TTPAL: variants seen among roughly 807,000 people sequenced by gnomAD.
TTPAL encodes the protein alpha-tocopherol transfer protein-like.
A neutral mutation model predicts 28.7 loss-of-function variants in TTPAL; 21 were observed. The ratio of observed to expected loss-of-function variants is 0.73; its 90% CI spans 0.52 to 1.06. TTPAL has a LOEUF of 1.06. Among genes scored for constraint, TTPAL ranks in the 50% least tolerant of loss-of-function variants. The pLI, the probability that TTPAL is intolerant of heterozygous loss-of-function variation, is 0.00. For synonymous variants in TTPAL, 169 were observed against 171.9 expected (o/e 0.98, Z 0.13); for missense variants, 345 against 425.5 (o/e 0.81, Z 1.67).
chr20:44,476,158 G>A (rs2064040549), intron 1 of TTPAL, among the ~76,000 whole-genome samples, 167 bp downstream of exon 1: 1 of 152,198 alleles, frequency 6.6e-6, no homozygotes, highest in Admixed American at 6.5e-5. Flanking sequence ...GGTTGTCCAC[G>A]GGATATGGGG....
At chr20:44,479,084 C>A (rs925985459) in intron 1 of TTPAL, among the ~76,000 whole-genome samples, 4 of 152,124 alleles carry the variant, frequency 2.6e-5, no homozygotes, top group Non-Finnish European at 5.9e-5. Flanking sequence ...CCACCGCGCC[C>A]GGCCCCCTAA....
chr20:44,488,435 C>T (rs1413748536), intron 4 of TTPAL, among the ~76,000 whole-genome samples: 1 of 152,120 alleles, frequency 6.6e-6, no homozygotes, highest in Non-Finnish European at 1.5e-5. Flanking sequence ...TTGATCAACT[C>T]TATGTACAAG....
At chr20:44,476,732 C>T (rs148141684) in intron 1 of TTPAL, among the ~76,000 whole-genome samples, 24 of 152,344 alleles carry the variant, frequency 1.6e-4, no homozygotes, top group African/African-American at 5.1e-4. Context: ...GTAAAATGCT[C>T]AAGTATGCAT....
intron 4 of TTPAL, among the ~76,000 whole-genome samples, chr20:44,488,032 G>A (rs1334039642): frequency 1.3e-5 from 2 of 152,212 alleles, no homozygotes; most frequent in African/African-American, 4.8e-5. Context: ...GCCTCCGAAA[G>A]TGCTGGGATT....
In TTPAL at chr20:44,490,009, C is replaced by T. The variant is rs1318950007; in HGVS notation, c.*468C>T. On this transcript the variant is annotated 3_prime_UTR_variant, in exon 5 of 5. Coordinates refer to ENST00000262605, the MANE Select transcript of TTPAL (RefSeq NM_001039199.3). ...TGAGACTGGGAGTTTGTGTTTTTCA[C>T]AGGAACCCTAAGTATAGACCTCTGC... 3 of 174,582 alleles carry T rather than the reference C, an allele frequency of 1.7e-5. No homozygotes were observed. Among genetic ancestry groups the T allele is most frequent in the East Asian group, 2.9e-4 (2 of 6,814 alleles). The allele number at this position is 174,582 out of a possible 1,614,324, so 10.8% of individuals were successfully genotyped here.
Position 44,486,725 on chromosome 20 carries a change from G to A in TTPAL, c.750+19G>A. On this transcript the variant is annotated intron_variant, in intron 4 of 4. Coordinates refer to ENST00000262605, the MANE Select transcript of TTPAL (RefSeq NM_001039199.3). ...AAACAGAGTAAGTGATGATCCTATT[G>A]ACTTCAGATTTTTCTTTTCCTCTGT... 7.0e-7 allele frequency: 1 copy of A among 1,422,438 alleles called. No individual in the cohort carries two copies. Among genetic ancestry groups the A allele is most frequent in the South Asian group, 1.2e-5 (1 of 82,110 alleles). The allele number at this position is 1,422,438 out of a possible 1,614,324, so 88.1% of individuals were successfully genotyped here. A position where few individuals can be genotyped will look rare whatever the true frequency, so the allele number is the denominator to read the frequency against.
intron 2 of TTPAL, 31 bp from the exon 3 acceptor site, chr20:44,484,306 G>A: frequency 7.1e-7 from 1 of 1,404,144 alleles, no homozygotes. Flanking sequence ...ATTAACTTCT[G>A]TAACATACTG....
At position 44,493,183 on chromosome 20, in the gene TTPAL, C is replaced by G. The variant is rs2064223607; in HGVS notation, c.*3642C>G. The G allele has an allele frequency of 6.6e-6, 1 of 152,214 alleles. No homozygotes were observed. The highest frequency in any genetic ancestry group is 1.5e-5 in the Non-Finnish European group (1 of 68,052). 9.4% of individuals were successfully genotyped at this position (152,214 alleles called of 1,614,324 possible). A position where few individuals can be genotyped will look rare whatever the true frequency, so the allele number is the denominator to read the frequency against. ...CCTGTAATCCCAGCTACTTGGGAAGCTGAAGCAGGAGAATCACTTAAACCC... is the reference window on the plus strand; with the variant it reads ...CCTGTAATCCCAGCTACTTGGGAAGGTGAAGCAGGAGAATCACTTAAACCC... On this transcript the variant is annotated 3_prime_UTR_variant, in exon 5 of 5. Coordinates refer to ENST00000262605, the MANE Select transcript of TTPAL (RefSeq NM_001039199.3).
intron 1 of TTPAL, among the ~76,000 whole-genome samples, chr20:44,476,283 T>A (rs1014428564): frequency 2.0e-5 from 3 of 152,096 alleles, no homozygotes; most frequent in African/African-American, 7.2e-5. Context: ...ATCTTTGGCT[T>A]CACCGTTACC....
chr20:44,490,911 AC>A lies in TTPAL; in HGVS notation c.*1371del, dbSNP rs2064199069. The A allele has an allele frequency of 6.6e-6, 1 of 151,380 alleles. No homozygotes were observed. The highest frequency in any genetic ancestry group is 2.4e-5 in the African/African-American group (1 of 41,134). 9.4% of individuals were successfully genotyped at this position (151,380 alleles called of 1,614,324 possible). ...GCCAAGATGGTGAAACCCCATCTCT[AC>A]TAAAAATACAAAAATTAGCTGGGCG... is the stretch of plus-strand genomic sequence containing the variant. On this transcript the variant is annotated 3_prime_UTR_variant, in exon 5 of 5. Transcript: ENST00000262605.
rs375194572 is a variant in TTPAL at position 44,489,219 on chromosome 20, G to A, written c.751-44G>A. On this transcript the variant is annotated intron_variant, in intron 4 of 4. Coordinates refer to ENST00000262605, the MANE Select transcript of TTPAL (RefSeq NM_001039199.3). ...CCATGGAGGAGATTTCTGCATTCCT[G>A]ATTAACCTAAGGACATGTGTGTTTT... The A allele has an allele frequency of 2.9e-5, 46 of 1,572,434 alleles. No homozygotes were observed. In the African/African-American group the frequency reaches 5.8e-4, roughly 20 times the overall value.
Position 44,492,890 on chromosome 20 carries a change from A to G in TTPAL, c.*3349A>G, listed in dbSNP as rs2064220765. 1 of 152,096 alleles carries G rather than the reference A, an allele frequency of 6.6e-6. No homozygotes were observed. 9.4% of individuals were successfully genotyped at this position (152,096 alleles called of 1,614,324 possible). A position where few individuals can be genotyped will look rare whatever the true frequency, so the allele number is the denominator to read the frequency against. ...TTTTTTTCCTTGCATTTTCTTTTTTATTCTATTGCTGCTGCAAAAATTAAG... is the reference window on the plus strand; with the variant it reads ...TTTTTTTCCTTGCATTTTCTTTTTTGTTCTATTGCTGCTGCAAAAATTAAG... On this transcript the variant is annotated 3_prime_UTR_variant, in exon 5 of 5. Transcript: ENST00000262605.
chr20:44,486,701 A>G lies in TTPAL; in HGVS notation c.745A>G (p.Asn249Asp). 1 of 1,577,146 alleles carries G rather than the reference A, an allele frequency of 6.3e-7. No individual in the cohort carries two copies. Reference sequence around the variant, plus strand: ...ACCATTTCTAAAGGAGAAAATAGCAAACAGAGTAAGTGATGATCCTATTGA... The same window carrying G: ...ACCATTTCTAAAGGAGAAAATAGCAGACAGAGTAAGTGATGATCCTATTGA... ...IKPFLKEKIA[N>D]RFFLHGSDLN... is the part of the protein sequence containing the mutation. Residue 249 changes from asparagine (N) to aspartate (D), a missense_variant, in exon 4 of 5, where the codon AAC becomes GAC. Transcript: ENST00000262605.
chr20:44,484,296 ATTAAC>A (rs1446133632), intron 2 of TTPAL, 36 bp from the exon 3 acceptor site: 3 of 1,339,994 alleles, frequency 2.2e-6, no homozygotes, highest in Non-Finnish European at 3.0e-6. Flanking sequence ...ACTTATTTAT[ATTAAC>A]TTCTGTAACA....
At chr20:44,486,848 C>T in intron 4 of TTPAL, 142 bp downstream of exon 4, 2 of 585,950 alleles carry the variant, frequency 3.4e-6, no homozygotes, top group East Asian at 5.8e-5. Context: ...ATGAACAGTC[C>T]CTTTTGTGAG....
intron 1 of TTPAL, among the ~76,000 whole-genome samples, chr20:44,477,680 C>T (rs67522655): frequency 2.0e-5 from 3 of 151,112 alleles, no homozygotes; most frequent in Admixed American, 6.6e-5. Context: ...TCTGAGATAG[C>T]GTCTCGCCCT....
rs1310949108 is a variant in TTPAL at position 44,493,209 on chromosome 20, A to C, written c.*3668A>C. On this transcript the variant is annotated 3_prime_UTR_variant, in exon 5 of 5. Coordinates refer to ENST00000262605, the MANE Select transcript of TTPAL (RefSeq NM_001039199.3). Reference sequence around the variant, plus strand: ...TGAAGCAGGAGAATCACTTAAACCCAGGTGGCGGAGGTTGCAGTGAGCCGA... The same window carrying C: ...TGAAGCAGGAGAATCACTTAAACCCCGGTGGCGGAGGTTGCAGTGAGCCGA... 2 of 152,242 alleles carry C rather than the reference A, an allele frequency of 1.3e-5. No homozygotes were observed. The highest frequency in any genetic ancestry group is 2.9e-5 in the Non-Finnish European group (2 of 68,044). The allele number at this position is 152,242 out of a possible 1,614,324, so 9.4% of individuals were successfully genotyped here.
chr20:44,479,486 C>T (rs750282774), intron 1 of TTPAL, among the ~76,000 whole-genome samples: 12 of 146,956 alleles, frequency 8.2e-5, no homozygotes, highest in African/African-American at 1.0e-4. Flanking sequence ...GCAACCTCCA[C>T]GTCCCGGGTT....
At position 44,480,431 on chromosome 20, in the gene TTPAL, C is replaced by G; in HGVS notation, c.432C>G (p.Val144=). Residue 144 remains valine (V), a synonymous_variant, in exon 2 of 5, where the codon GTC becomes GTG. Coordinates refer to ENST00000262605, the MANE Select transcript of TTPAL (RefSeq NM_001039199.3). This position sits in a 1 kb window ranked among gnomAD's most constrained non-coding sequence, Gnocchi z 4.1. ...PHTDPRGCHV[V]CIRPDRWIPS... is the part of the protein sequence containing the mutation. ...CTGACCCCAGGGGCTGCCATGTCGT[C>G]TGCATCCGCCCAGGTATCTCCCTAG... 6.2e-7 allele frequency: 1 copy of G among 1,602,222 alleles called. No homozygotes were observed. The highest frequency in any genetic ancestry group is 1.1e-5 in the South Asian group (1 of 89,920).
Sources: allele counts gnomAD v4.1 joint callset (sites outside exome capture counted in the v4.1 genomes callset), GRCh38; gene constraint gnomAD v4.1.1; non-coding constraint Gnocchi (gnomAD v3.1); transcripts MANE v1.5; gene names NCBI Gene and HGNC (gene_info 2026-07-23, HGNC 2026-07-21).